POU2F1: variants seen among roughly 807,000 people sequenced by gnomAD.
The protein encoded by POU2F1 is POU domain, class 2, transcription factor 1.
Under a neutral mutation model 84.9 loss-of-function variants are expected in POU2F1, and 16 were observed. The observed-to-expected ratio is 0.19, with a 90% CI of 0.13 to 0.29. The LOEUF (loss-of-function observed/expected upper bound fraction) is 0.29. POU2F1 is among the 10% of genes least tolerant of loss of function. The pLI is 1.00. For missense variants in POU2F1, 738 were observed against 942.6 expected (o/e 0.78, Z 2.84); for synonymous variants, 368 against 368.3 (o/e 1.00, Z 0.01).
rs1490527248 is a variant in POU2F1 at position 167,242,507 on chromosome 1, A to G, written c.61+21549A>G. On this transcript the variant is annotated intron_variant, in intron 1 of 15. Coordinates refer to ENST00000367866, the MANE Select transcript of POU2F1 (RefSeq NM_002697.4). ...GCTTTCTTACCATGGTGACGCATTG[A>G]AGCACTAAGTGTTTGAGCACATCTC... Among the ~76,000 whole-genome samples, 5 of 152,218 alleles carry G rather than the reference A, an allele frequency of 3.3e-5. No individual in the cohort carries two copies. The East Asian group carries it at 9.6e-4, about 29-fold the overall frequency.
At chr1:167,264,334 G>A (rs1416213834) in intron 1 of POU2F1, among the ~76,000 whole-genome samples, 1 of 152,072 alleles carries the variant, frequency 6.6e-6, no homozygotes, top group Non-Finnish European at 1.5e-5. Context: ...TCTAAGCAGA[G>A]TGAGCAGTAT....
At chr1:167,237,969 A>T (rs1255967627) in intron 1 of POU2F1, among the ~76,000 whole-genome samples, 1 of 151,184 alleles carries the variant, frequency 6.6e-6, no homozygotes, top group Non-Finnish European at 1.5e-5. Flanking sequence ...CTTAGTACAG[A>T]TGGGGTTTCA....
At chr1:167,329,079 TTGA>T in intron 1 of POU2F1, 2 of 1,229,306 alleles carry the variant, frequency 1.6e-6, no homozygotes, top group Non-Finnish European at 2.1e-6. Flanking sequence ...CCTTATTCAG[TTGA>T]AGATTGCTAT....
intron 13 of POU2F1, among the ~76,000 whole-genome samples, chr1:167,406,967 C>G (rs1035320248): frequency 9.9e-5 from 15 of 151,844 alleles, no homozygotes; most frequent in African/African-American, 2.7e-4. Context: ...ATCTCTCTTT[C>G]TCTCTGATTT....
At chr1:167,355,444 C>T (rs992826337) in intron 2 of POU2F1, among the ~76,000 whole-genome samples, 5 of 152,136 alleles carry the variant, frequency 3.3e-5, no homozygotes, top group East Asian at 1.9e-4. Context: ...TGATAATCCA[C>T]GTCTCCATGT....
intron 12 of POU2F1, among the ~76,000 whole-genome samples, chr1:167,400,936 GT>G (rs1375859523): frequency 6.6e-6 from 1 of 152,142 alleles, no homozygotes; most frequent in African/African-American, 2.4e-5. Context: ...CAACAATTTT[GT>G]TTTGTAAAGG....
intron 1 of POU2F1, among the ~76,000 whole-genome samples, chr1:167,326,861 T>G (rs1399758092): frequency 6.6e-6 from 1 of 152,162 alleles, no homozygotes; most frequent in Admixed American, 6.5e-5. Flanking sequence ...AGTAGAAAGG[T>G]AGTTTAGAGA....
chr1:167,256,229 G>A (rs1414833971), intron 1 of POU2F1, among the ~76,000 whole-genome samples: 1 of 152,124 alleles, frequency 6.6e-6, no homozygotes, highest in African/African-American at 2.4e-5. Flanking sequence ...ACAAAGAGAG[G>A]CAAGCTGAGT....
chr1:167,286,791 A>G (rs1653557850), intron 1 of POU2F1, among the ~76,000 whole-genome samples: 1 of 152,236 alleles, frequency 6.6e-6, no homozygotes, highest in African/African-American at 2.4e-5. Context: ...CTTAAAGCTT[A>G]TTCTCAGAGA....
chr1:167,317,673 A>G (rs1276749655), intron 1 of POU2F1, among the ~76,000 whole-genome samples: 3 of 152,228 alleles, frequency 2.0e-5, no homozygotes, highest in African/African-American at 7.2e-5. Flanking sequence ...GAATGCCTTA[A>G]GCAGTTTTCC....
At chr1:167,384,048 A>T in intron 8 of POU2F1, 97 bp downstream of exon 8, 3 of 1,065,408 alleles carry the variant, frequency 2.8e-6, no homozygotes, top group Non-Finnish European at 3.9e-6. Flanking sequence ...AATAAAAATA[A>T]TTCGGTCTTC....
At chr1:167,304,262 C>A (rs1424807460) in intron 1 of POU2F1, among the ~76,000 whole-genome samples, 2 of 152,052 alleles carry the variant, frequency 1.3e-5, no homozygotes, top group African/African-American at 4.8e-5. Flanking sequence ...ACAGTATTAA[C>A]CATTAATTAA....
chr1:167,281,076 T>G (rs1653101548), intron 1 of POU2F1, among the ~76,000 whole-genome samples: 1 of 152,102 alleles, frequency 6.6e-6, no homozygotes, highest in South Asian at 2.1e-4. Context: ...AGGAAGAGGG[T>G]GGAGTGTTTA....
chr1:167,237,896 C>T (rs1649623397), intron 1 of POU2F1, among the ~76,000 whole-genome samples: 1 of 145,878 alleles, frequency 6.9e-6, no homozygotes, highest in Non-Finnish European at 1.5e-5. Context: ...TCTCCTGCTT[C>T]AGCCTCCCGA....
chr1:167,255,555 T>TGAA (rs1651069191), intron 1 of POU2F1, among the ~76,000 whole-genome samples: 1 of 152,240 alleles, frequency 6.6e-6, no homozygotes, highest in Non-Finnish European at 1.5e-5. Flanking sequence ...AGAGTAGACT[T>TGAA]GAACTTTAGA....
chr1:167,372,908 A>G (rs1041990227), intron 5 of POU2F1, among the ~76,000 whole-genome samples: 3 of 148,192 alleles, frequency 2.0e-5, no homozygotes, highest in African/African-American at 7.5e-5. Context: ...TTAACTCCCA[A>G]GAATTTCCTA....
At chr1:167,237,766 ATATATATT>A (rs1418160957) in intron 1 of POU2F1, among the ~76,000 whole-genome samples, 16 of 57,976 alleles carry the variant, frequency 2.8e-4, no homozygotes, top group Non-Finnish European at 4.0e-4. Flanking sequence ...ATATATATAT[ATATATATT>A]TTTTTTTTTT....
intron 1 of POU2F1, among the ~76,000 whole-genome samples, chr1:167,298,724 A>C (rs1553204329): frequency 6.6e-6 from 1 of 152,126 alleles, no homozygotes; most frequent in Non-Finnish European, 1.5e-5. Flanking sequence ...GCTTCAAAAA[A>C]CTATTCAGTT....
At chr1:167,410,676 T>C (rs1436672924) in intron 13 of POU2F1, among the ~76,000 whole-genome samples, 1 of 151,386 alleles carries the variant, frequency 6.6e-6, no homozygotes, top group Non-Finnish European at 1.5e-5. Flanking sequence ...CCACCATGCC[T>C]GGCTAATTTT....
Sources: gnomAD v4.1 joint callset for allele counts (sites outside exome capture counted in the v4.1 genomes callset) on GRCh38, gnomAD v4.1.1 for gene constraint, MANE v1.5 for transcripts, NCBI Gene and HGNC (gene_info 2026-07-23, HGNC 2026-07-21) for gene names.